The following ZNF638 variants were observed in gnomAD, a reference collection of about 807,000 sequenced individuals.
ZNF638 encodes CTCL tumor antigen se33-1.
A neutral mutation model predicts 195.6 loss-of-function variants in ZNF638; 46 were observed. The observed-to-expected ratio is 0.24, with a 90% CI of 0.19 to 0.30. The LOEUF (loss-of-function observed/expected upper bound fraction) is 0.30, where lower values mean the gene tolerates loss of function less well. ZNF638 is among the 10% of genes least tolerant of loss of function. The pLI is 1.00. For missense variants in ZNF638, 2,440 were observed against 2,325.3 expected, an observed-to-expected ratio of 1.05 and a Z score of -1.01; for synonymous variants, 845 against 772.0, an observed-to-expected ratio of 1.09 and a Z score of -1.57.
chr2:71,390,423 A>G (rs2079748737), intron 10 of ZNF638, among the ~76,000 whole-genome samples: 1 of 152,246 alleles, frequency 6.6e-6, no homozygotes, highest in African/African-American at 2.4e-5. Flanking sequence ...GATTGGTCCT[A>G]GGATGATCAA....
chr2:71,349,903 C>G lies in ZNF638; in HGVS notation c.949C>G (p.Gln317Glu). 1 of 1,614,196 alleles carries G rather than the reference C, an allele frequency of 6.2e-7. No homozygotes were observed. Among genetic ancestry groups the G allele is most frequent in the Non-Finnish European group, 8.5e-7 (1 of 1,180,040 alleles). ...PIKSVNQSINQTVSQTMSQSL... is the reference protein window; with the variant it reads ...PIKSVNQSINETVSQTMSQSL... ...AAAATCCGTCAACCAATCCATTAAC[C>G]AAACAGTTAGCCAGACAATGAGTCA... The change falls in exon 2 of 28, where the codon CAA (glutamine) becomes GAA (glutamate). Residue 317 changes from glutamine to glutamate, a missense_variant. Gln to Glu is a conservative substitution (Grantham distance 29). Around this residue, in one of 5 missense-constraint regions of ZNF638, gnomAD observed 305 missense variants for 283.6 expected, o/e 1.08. Transcript: ENST00000264447.
At chr2:71,418,712 T>TAATAA in intron 21 of ZNF638, 73 bp downstream of exon 21, 1 of 1,077,354 alleles carries the variant, frequency 9.3e-7, no homozygotes. Flanking sequence ...TATTTTATAG[T>TAATAA]AATGGCTCAC....
chr2:71,400,289 A>C (rs1376170997), intron 14 of ZNF638, 109 bp downstream of exon 14: 1 of 1,081,598 alleles, frequency 9.2e-7, no homozygotes, highest in South Asian at 1.7e-5. Flanking sequence ...TTAATCTGAA[A>C]TTTTGATCTC....
intron 10 of ZNF638, among the ~76,000 whole-genome samples, chr2:71,383,562 T>G (rs1165102165): frequency 7.2e-4 from 13 of 18,106 alleles, no homozygotes; most frequent in Non-Finnish European, 2.3e-3. Flanking sequence ...CCTGGGTGGT[T>G]TTTTTTTTTT....
At chr2:71,404,659 C>A (rs1435442335) in intron 17 of ZNF638, among the ~76,000 whole-genome samples, 1 of 152,154 alleles carries the variant, frequency 6.6e-6, no homozygotes, top group Non-Finnish European at 1.5e-5. Flanking sequence ...TGAGGCTGCA[C>A]TGAGCTGTGA....
chr2:71,374,590 G>A (rs775147595), intron 8 of ZNF638, among the ~76,000 whole-genome samples: 1 of 152,096 alleles, frequency 6.6e-6, no homozygotes, highest in African/African-American at 2.4e-5. Flanking sequence ...TGTTGAATTC[G>A]TGATAGTATT....
At chr2:71,374,610 C>CT (rs1558851795) in intron 8 of ZNF638, among the ~76,000 whole-genome samples, 2 of 152,178 alleles carry the variant, frequency 1.3e-5, no homozygotes, top group East Asian at 3.8e-4. Flanking sequence ...TTTTACAACA[C>CT]TAAGTCTTTC....
chr2:71,381,350 G>A (rs1558856732), intron 10 of ZNF638, among the ~76,000 whole-genome samples: 1 of 152,070 alleles, frequency 6.6e-6, no homozygotes, highest in Non-Finnish European at 1.5e-5. Context: ...GGTGAAAATT[G>A]GATTGTGGAA....
Position 71,410,866 on chromosome 2 carries a change from A to T in ZNF638, c.3261+2619A>T, listed in dbSNP as rs2080200513. ...TTAGGGACATACTTGGTGATTCCAGAATTTCTAAAGAGAGGGTTGGTATTG... is the reference window on the plus strand; with the variant it reads ...TTAGGGACATACTTGGTGATTCCAGTATTTCTAAAGAGAGGGTTGGTATTG... On this transcript the variant is annotated intron_variant, in intron 20 of 27. Coordinates refer to ENST00000264447, the MANE Select transcript of ZNF638 (RefSeq NM_014497.5). Among the ~76,000 whole-genome samples the T allele has an allele frequency of 2.6e-5, 4 of 151,828 alleles. No homozygotes were observed. In the South Asian group the frequency reaches 8.3e-4, roughly 32 times the overall value.
At chr2:71,373,789 T>G (rs1201073173) in intron 8 of ZNF638, 1 of 152,136 alleles carries the variant, frequency 6.6e-6, no homozygotes, top group African/African-American at 2.4e-5. Flanking sequence ...TTATTATTTT[T>G]ATGCCTGTGA....
At chr2:71,433,338 A>G in intron 27 of ZNF638, 55 bp downstream of exon 27, 1 of 1,267,500 alleles carries the variant, frequency 7.9e-7, no homozygotes, top group African/African-American at 1.5e-5. Context: ...CTTAGAATCA[A>G]ATTATTTATC....
At chr2:71,353,695 T>A (rs1273597606) in intron 2 of ZNF638, among the ~76,000 whole-genome samples, 1 of 152,206 alleles carries the variant, frequency 6.6e-6, no homozygotes, top group Non-Finnish European at 1.5e-5. Flanking sequence ...AAGAATGATA[T>A]CCTGTATTAC....
chr2:71,405,859 T>C (rs2080095903), intron 18 of ZNF638, among the ~76,000 whole-genome samples: 1 of 124,528 alleles, frequency 8.0e-6, no homozygotes, highest in Admixed American at 7.5e-5. Context: ...GCATATTAAG[T>C]GGTCTAATAG....
intron 4 of ZNF638, 145 bp from the exon 5 acceptor site, chr2:71,363,809 A>G: frequency 3.1e-6 from 3 of 963,128 alleles, no homozygotes; most frequent in Non-Finnish European, 4.5e-6. Flanking sequence ...ATCATAACAA[A>G]CAGATTTTTG....
chr2:71,348,560 G>A, intron 1 of ZNF638, 193 bp from the exon 2 acceptor site: 1 of 1,189,700 alleles, frequency 8.4e-7, no homozygotes, highest in South Asian at 1.6e-5. Context: ...TGGGGCTTGT[G>A]TTCTGCATTC....
At chr2:71,418,766 A>G (rs552562117) in intron 21 of ZNF638, 127 bp downstream of exon 21, 17 of 557,020 alleles carry the variant, frequency 3.1e-5, no homozygotes, top group African/African-American at 2.7e-4. Context: ...TTGTGTACAT[A>G]TGGGCTTGTT....
intron 10 of ZNF638, chr2:71,388,475 C>G: frequency 1.4e-6 from 1 of 693,744 alleles, no homozygotes; most frequent in East Asian, 2.7e-5. Flanking sequence ...AGGCCTTTGT[C>G]ATTAAATCTG....
intron 3 of ZNF638, among the ~76,000 whole-genome samples, chr2:71,359,609 A>T (rs552153951): frequency 9.2e-5 from 14 of 152,308 alleles, no homozygotes; most frequent in Non-Finnish European, 1.8e-4. Flanking sequence ...GCATCCCTCA[A>T]TCTAGTCAAG....
intron 8 of ZNF638, among the ~76,000 whole-genome samples, chr2:71,378,536 A>G (rs2079477549): frequency 6.6e-6 from 1 of 152,236 alleles, no homozygotes; most frequent in Non-Finnish European, 1.5e-5. Context: ...GGAATAGAAT[A>G]TTGAAGAACA....
Sources: gnomAD v4.1 joint callset for allele counts (sites outside exome capture counted in the v4.1 genomes callset) on GRCh38, gnomAD v4.1.1 for gene constraint, gnomAD v4.1.1 regional missense constraint, MANE v1.5 for transcripts, NCBI Gene and HGNC (gene_info 2026-07-23, HGNC 2026-07-21) for gene names.